The following MAP4K3 variants were observed in gnomAD, a reference collection of about 807,000 sequenced individuals.
MAP4K3 encodes the protein MAPK/ERK kinase kinase kinase 3.
In MAP4K3, 94 loss-of-function variants were observed where a neutral mutation model predicts 143.5. That is an observed-to-expected ratio of 0.65 (90% confidence interval 0.55 to 0.78). The LOEUF (loss-of-function observed/expected upper bound fraction) is 0.78. Among genes scored for constraint, MAP4K3 ranks in the 30% least tolerant of loss-of-function variants. MAP4K3 has a pLI of 0.00. For missense variants in MAP4K3, 1,077 were observed against 1,068.1 expected (o/e 1.01, Z -0.12); for synonymous variants, 416 against 347.2 (o/e 1.20, Z -2.20).
chr2:39,316,196 T>C (rs1415612703), intron 12 of MAP4K3, among the ~76,000 whole-genome samples: 2 of 152,146 alleles, frequency 1.3e-5, no homozygotes, highest in Non-Finnish European at 2.9e-5. Context: ...CTTGAAATTA[T>C]TTACAGAGTC....
intron 1 of MAP4K3, among the ~76,000 whole-genome samples, chr2:39,418,214 A>C (rs1250923417): frequency 1.3e-5 from 2 of 151,982 alleles, no homozygotes; most frequent in African/African-American, 4.8e-5. Context: ...AAAAAAAAAA[A>C]AAAACAAATG....
intron 1 of MAP4K3, among the ~76,000 whole-genome samples, chr2:39,386,059 A>G (rs527687103): frequency 1.3e-5 from 2 of 152,376 alleles, no homozygotes; most frequent in South Asian, 2.1e-4. Flanking sequence ...GCACTTTAGA[A>G]CATGACTATA....
intron 3 of MAP4K3, among the ~76,000 whole-genome samples, chr2:39,349,090 CCT>C (rs1442578834): frequency 4.6e-5 from 7 of 152,124 alleles, no homozygotes; most frequent in African/African-American, 1.2e-4. Flanking sequence ...ACTGCAGTCC[CCT>C]GATTCCTGTA....
Position 39,258,387 on chromosome 2 carries a change from A to C in MAP4K3, c.2431T>G (p.Ser811Ala), listed in dbSNP as rs1573061114. 1.2e-6 allele frequency: 2 copies of C among 1,611,022 alleles called. No homozygotes were observed. The highest frequency in any genetic ancestry group is 1.1e-5 in the South Asian group (1 of 90,768). Residue 811 changes from serine to alanine, a missense_variant, in exon 31 of 34, where the codon TCA becomes GCA. Ser to Ala is a moderately conservative substitution (Grantham distance 99). Coordinates refer to ENST00000263881, the MANE Select transcript of MAP4K3 (RefSeq NM_003618.4). ...QGRLKSSRKLSSELTFDFQIE... is the reference protein window; with the variant it reads ...QGRLKSSRKLASELTFDFQIE... The stretch of plus-strand genomic sequence containing the variant: ...TGGAAATCAAAGGTGAGTTCTGATG[A>C]CAATTTCCTGCTAGATTTTAATCTT...
rs368775338 is a variant in MAP4K3, at chr2:39,250,750, A to T, written c.2598-45T>A. ...TATAACAAAACAAAGTTATTCCTGAAAATTAATGTTAGCTCCCAAATTTTC... is the reference window on the plus strand; with the variant it reads ...TATAACAAAACAAAGTTATTCCTGATAATTAATGTTAGCTCCCAAATTTTC... On this transcript the variant is annotated intron_variant, in intron 33 of 33. Coordinates refer to ENST00000263881, the MANE Select transcript of MAP4K3 (RefSeq NM_003618.4). 1.2e-5 allele frequency: 18 copies of T among 1,532,730 alleles called. No homozygotes were observed. The African/African-American group carries it at 1.9e-4, about 16-fold the overall frequency. 94.9% of individuals were successfully genotyped at this position (1,532,730 alleles called of 1,614,324 possible). A position where few individuals can be genotyped will look rare whatever the true frequency, so the allele number is the denominator to read the frequency against.
chr2:39,280,149 A>C, intron 23 of MAP4K3, 123 bp downstream of exon 23: 1 of 550,358 alleles, frequency 1.8e-6, no homozygotes, highest in Non-Finnish European at 3.1e-6. Flanking sequence ...AAATAAAAAA[A>C]AAATTATAAC....
At chr2:39,369,206 T>TTTTTTTTTGTTTTTC (rs1666013392) in intron 2 of MAP4K3, among the ~76,000 whole-genome samples, 2 of 9,068 alleles carry the variant, frequency 2.2e-4, no homozygotes, top group Admixed American at 2.6e-3. Flanking sequence ...TTTTTTTTTG[T>TTTTTTTTTGTTTTTC]TTTTTTTGAG....
At chr2:39,303,609 G>A (rs1050497479) in intron 15 of MAP4K3, among the ~76,000 whole-genome samples, 2 of 152,156 alleles carry the variant, frequency 1.3e-5, no homozygotes, top group African/African-American at 4.8e-5. Flanking sequence ...CACGATCTCG[G>A]CTCCCTGCAA....
intron 1 of MAP4K3, among the ~76,000 whole-genome samples, chr2:39,435,367 C>G (rs183101537): frequency 6.6e-6 from 1 of 152,196 alleles, no homozygotes; most frequent in African/African-American, 2.4e-5. Flanking sequence ...CCTGCAAGAT[C>G]TAGGGCCACC....
chr2:39,413,938 T>C (rs900178408), intron 1 of MAP4K3, among the ~76,000 whole-genome samples: 8 of 152,208 alleles, frequency 5.3e-5, no homozygotes, highest in East Asian at 1.9e-4. Context: ...TATCAATATC[T>C]ACATCTTTAA....
chr2:39,377,043 ACAGT>A (rs1294097091), intron 2 of MAP4K3, among the ~76,000 whole-genome samples: 4 of 152,106 alleles, frequency 2.6e-5, no homozygotes, highest in African/African-American at 7.2e-5. Flanking sequence ...TGGTTTGATC[ACAGT>A]CAATCAGCAC....
chr2:39,309,170 C>T (rs539886530), intron 14 of MAP4K3, among the ~76,000 whole-genome samples: 1 of 152,224 alleles, frequency 6.6e-6, no homozygotes, highest in African/African-American at 2.4e-5. Context: ...TTCACCCAGG[C>T]TACAGTACAG....
chr2:39,317,915 A>G (rs1683171164), intron 12 of MAP4K3, among the ~76,000 whole-genome samples: 1 of 152,182 alleles, frequency 6.6e-6, no homozygotes. Context: ...TACCCAAAGG[A>G]ATATAAGTTG....
chr2:39,398,790 C>A (rs544069053), intron 1 of MAP4K3, among the ~76,000 whole-genome samples: 1 of 149,922 alleles, frequency 6.7e-6, no homozygotes, highest in Non-Finnish European at 1.5e-5. Flanking sequence ...TGCCTATAAT[C>A]CCAGCACTTT....
intron 15 of MAP4K3, among the ~76,000 whole-genome samples, chr2:39,303,916 T>A (rs1682601379): frequency 6.6e-6 from 1 of 151,578 alleles, no homozygotes; most frequent in East Asian, 1.9e-4. Context: ...AGTAAAACTA[T>A]GCAAATTAGA....
At chr2:39,358,135 ACT>A (rs1665663072) in intron 2 of MAP4K3, among the ~76,000 whole-genome samples, 1 of 152,114 alleles carries the variant, frequency 6.6e-6, no homozygotes, top group Non-Finnish European at 1.5e-5. Context: ...TGACCAATAA[ACT>A]CTGTGTATTG....
intron 2 of MAP4K3, among the ~76,000 whole-genome samples, chr2:39,376,341 TG>T (rs1285325040): frequency 6.6e-6 from 1 of 152,228 alleles, no homozygotes; most frequent in Non-Finnish European, 1.5e-5. Flanking sequence ...GATTAACCTT[TG>T]TTTTCTCTGG....
intron 26 of MAP4K3, 49 bp downstream of exon 26, chr2:39,272,234 A>G: frequency 3.0e-6 from 4 of 1,335,234 alleles, no homozygotes; most frequent in Non-Finnish European, 4.2e-6. Flanking sequence ...ATAAATATTT[A>G]TGAGAATGAA....
intron 2 of MAP4K3, among the ~76,000 whole-genome samples, chr2:39,371,811 C>CTA (rs1000626976): frequency 6.8e-6 from 1 of 147,292 alleles, no homozygotes; most frequent in African/African-American, 2.5e-5. Flanking sequence ...TCCTCTCTCT[C>CTA]TATATATATA....
Sources: gnomAD v4.1 joint callset for allele counts (sites outside exome capture counted in the v4.1 genomes callset) on GRCh38, gnomAD v4.1.1 for gene constraint, MANE v1.5 for transcripts, NCBI Gene and HGNC (gene_info 2026-07-23, HGNC 2026-07-21) for gene names.